The following CAPZB variants were observed in gnomAD, a reference collection of about 807,000 sequenced individuals.
The protein encoded by CAPZB is capping actin protein of muscle Z-line subunit beta, also known as F-actin-capping protein subunit beta.
Under a neutral mutation model 38.1 loss-of-function variants are expected in CAPZB, and 2 were observed. That is an observed-to-expected ratio of 0.05 (90% confidence interval 0.02 to 0.17). CAPZB has a LOEUF of 0.17. Among genes scored for constraint, CAPZB ranks in the 10% least tolerant of loss-of-function variants. CAPZB has a pLI of 1.00. For missense variants in CAPZB, 161 were observed against 334.2 expected (o/e 0.48, Z 4.04); for synonymous variants, 107 against 127.4 (o/e 0.84, Z 1.08).
In CAPZB at chr1:19,377,045, T is replaced by A. The variant is rs557860658; in HGVS notation, c.329+1495A>T. On this transcript the variant is annotated intron_variant, in intron 4 of 8. Coordinates refer to ENST00000264202, the MANE Select transcript of CAPZB (RefSeq NM_004930.5). ...GCATGGCCACTGGTAACTGTTATCA[T>A]CACCATCGTTATTTTATTACCAGTA... 3.3e-5 allele frequency among the ~76,000 whole-genome samples: 5 copies of A among 152,386 alleles called. No homozygotes were observed. The South Asian group carries it at 8.3e-4, about 25-fold the overall frequency.
chr1:19,396,786 C>CAAAAAAAAAA (rs35949767), intron 2 of CAPZB, among the ~76,000 whole-genome samples: 1 of 121,428 alleles, frequency 8.2e-6, no homozygotes. Context: ...AATAAAAATA[C>CAAAAAAAAAA]AAAAAAAAAA....
chr1:19,425,524 G>A (rs536951909), intron 1 of CAPZB, among the ~76,000 whole-genome samples: 53 of 152,142 alleles, frequency 3.5e-4, no homozygotes, highest in Non-Finnish European at 6.9e-4. Context: ...AAGCTGGCAA[G>A]GCTCCAAGGG....
rs201882034 is a variant in CAPZB at position 19,366,283 on chromosome 1, AAT to A, written c.330-8722_330-8721del. On this transcript the variant is annotated intron_variant, in intron 4 of 8. Coordinates refer to ENST00000264202, the MANE Select transcript of CAPZB (RefSeq NM_004930.5). ...GCAACATAGTGAGACCGTGTCTTAA[AAT>A]ATATATATATATATATATATATATA... is the stretch of plus-strand genomic sequence containing the variant. Among the ~76,000 whole-genome samples, 194 of 60,438 alleles carry A rather than the reference AAT, an allele frequency of 3.2e-3. 12 individuals carry two copies. The highest frequency in any genetic ancestry group is 9.9e-3 in the African/African-American group (155 of 15,690). 39.6% of individuals were successfully genotyped at this position (60,438 alleles called of 152,430 possible). A position where few individuals can be genotyped will look rare whatever the true frequency, so the allele number is the denominator to read the frequency against.
At chr1:19,366,883 T>C (rs2094091392) in intron 4 of CAPZB, among the ~76,000 whole-genome samples, 2 of 152,188 alleles carry the variant, frequency 1.3e-5, no homozygotes, top group African/African-American at 4.8e-5. Context: ...AGTAGTTTGT[T>C]TTTCTGATCA....
Position 19,466,479 on chromosome 1 carries a change from G to A in CAPZB, c.3+18957C>T, listed in dbSNP as rs2100759633. On this transcript the variant is annotated intron_variant, in intron 1 of 8. Coordinates refer to ENST00000264202, the MANE Select transcript of CAPZB (RefSeq NM_004930.5). ...AGTCCTGAGCTTCCTCACGGCGCAG[G>A]TGATGTGAGAGGGGCTGAGTAACCT... 2.6e-5 allele frequency among the ~76,000 whole-genome samples: 4 copies of A among 152,336 alleles called. 1 individual carries two copies. In the South Asian group the frequency reaches 8.3e-4, roughly 32 times the overall value.
chr1:19,442,700 A>G (rs1367386585), intron 1 of CAPZB, among the ~76,000 whole-genome samples: 1 of 152,136 alleles, frequency 6.6e-6, no homozygotes, highest in Non-Finnish European at 1.5e-5. Context: ...AGCTGCTCTG[A>G]AGGACTGAAA....
At chr1:19,415,541 G>A (rs530066690) in intron 2 of CAPZB, among the ~76,000 whole-genome samples, 2 of 152,336 alleles carry the variant, frequency 1.3e-5, no homozygotes, top group Non-Finnish European at 2.9e-5. Flanking sequence ...CATTCCCAGA[G>A]AACACTGGCA....
chr1:19,473,564 A>C (rs539663225), intron 1 of CAPZB, among the ~76,000 whole-genome samples: 1 of 152,316 alleles, frequency 6.6e-6, no homozygotes, highest in Non-Finnish European at 1.5e-5. Context: ...ATCCTTCAGC[A>C]CAGTGATTTT....
intron 1 of CAPZB, among the ~76,000 whole-genome samples, chr1:19,457,650 G>A (rs574155715): frequency 5.3e-5 from 8 of 152,292 alleles, no homozygotes; most frequent in South Asian, 2.1e-4. Context: ...GGAGAAAAGC[G>A]CCCAGTGTTA....
chr1:19,484,499 GC>G, intron 1 of CAPZB: 1 of 1,393,568 alleles, frequency 7.2e-7, no homozygotes, highest in East Asian at 2.9e-5. Context: ...AGAGCAGCGC[GC>G]TGCCTTCTGG....
chr1:19,421,331 G>T (rs536577382), intron 1 of CAPZB, among the ~76,000 whole-genome samples: 2 of 152,286 alleles, frequency 1.3e-5, no homozygotes, highest in East Asian at 3.9e-4. Context: ...ATTAAGGAGA[G>T]TCAATTTCAT....
chr1:19,378,438 G>C (rs185877155), intron 4 of CAPZB, 102 bp downstream of exon 4: 1 of 730,348 alleles, frequency 1.4e-6, no homozygotes, highest in Non-Finnish European at 2.5e-6. Flanking sequence ...ATTCAAGGGA[G>C]AATGCTTGGC....
intron 2 of CAPZB, chr1:19,385,919 T>A: frequency 8.3e-6 from 4 of 480,678 alleles, no homozygotes; most frequent in South Asian, 7.6e-5. Context: ...CCTAGTAAAT[T>A]TAAGTGTGTA....
chr1:19,465,285 C>T (rs767416921), intron 1 of CAPZB, among the ~76,000 whole-genome samples: 5 of 152,110 alleles, frequency 3.3e-5, no homozygotes, highest in Non-Finnish European at 5.9e-5. Context: ...GACATTAATG[C>T]CCCTATAAGA....
chr1:19,392,857 A>T (rs189642377), intron 2 of CAPZB, among the ~76,000 whole-genome samples: 3 of 152,350 alleles, frequency 2.0e-5, no homozygotes, highest in Admixed American at 2.0e-4. Flanking sequence ...TCAAAAAGGT[A>T]CAAGAGCACA....
chr1:19,428,036 G>T lies in CAPZB; in HGVS notation c.4-8286C>A, dbSNP rs2094429452. Among the ~76,000 whole-genome samples the T allele has an allele frequency of 2.6e-5, 4 of 152,208 alleles. No individual in the cohort carries two copies. The South Asian group carries it at 6.2e-4, about 24-fold the overall frequency. On this transcript the variant is annotated intron_variant, in intron 1 of 8. Transcript: ENST00000264202. ...GAAGGAAGAGGCTGGCTCTGTGGAT[G>T]ACCCACCAGCCAGAATGGGTGACCT...
At chr1:19,339,662 G>T (rs2093917255) in intron 8 of CAPZB, 45 bp from the exon 9 acceptor site, 1 of 1,451,052 alleles carries the variant, frequency 6.9e-7, no homozygotes, top group East Asian at 2.3e-5. Flanking sequence ...ACAGGGACTG[G>T]TGAGGCGGTG....
chr1:19,350,592 G>T (rs1296289193), intron 6 of CAPZB, among the ~76,000 whole-genome samples: 1 of 145,480 alleles, frequency 6.9e-6, no homozygotes, highest in African/African-American at 2.6e-5. Flanking sequence ...CTCCTTGCAA[G>T]ATATATGGTA....
intron 4 of CAPZB, among the ~76,000 whole-genome samples, chr1:19,373,073 G>C (rs1282481684): frequency 6.6e-6 from 1 of 152,138 alleles, no homozygotes. Context: ...CTCTCCTAGG[G>C]AAAGTACTAC....
Sources: gnomAD v4.1 joint callset for allele counts (sites outside exome capture counted in the v4.1 genomes callset) on GRCh38, gnomAD v4.1.1 for gene constraint, MANE v1.5 for transcripts, NCBI Gene and HGNC (gene_info 2026-07-23, HGNC 2026-07-21) for gene names.